OR51B5: variants seen among roughly 807,000 people sequenced by gnomAD.
OR51B5 encodes the protein olfactory receptor 51B5.
For synonymous variants in OR51B5, 186 were observed against 144.8 expected, an observed-to-expected ratio of 1.28 and a Z score of -2.04; for missense variants, 456 against 374.6, an observed-to-expected ratio of 1.22 and a Z score of -1.79.
chr11:5,436,099 T>C lies in OR51B5; in HGVS notation n.84+69470A>G, dbSNP rs569121348. ...TCTCTATTCTAAATAGGAGTTAAAC[T>C]GACTGCATCACACGCAAAAAGTAAA... On this transcript the variant is annotated intron_variant and non_coding_transcript_variant, in intron 1 of 4. Transcript: ENST00000415970. Among the ~76,000 whole-genome samples, 20 of 152,272 alleles carry C rather than the reference T, an allele frequency of 1.3e-4. No individual in the cohort carries two copies. In the East Asian group the frequency reaches 2.9e-3, roughly 22 times the overall value.
At chr11:5,476,765 T>C (rs1564826259) in intron 1 of OR51B5, among the ~76,000 whole-genome samples, 1 of 152,052 alleles carries the variant, frequency 6.6e-6, no homozygotes, top group Non-Finnish European at 1.5e-5. Context: ...TAATCTGTTC[T>C]TTACACTTCA....
At chr11:5,382,480 T>C (rs1272063245) in intron 1 of OR51B5, among the ~76,000 whole-genome samples, 3 of 152,210 alleles carry the variant, frequency 2.0e-5, no homozygotes, top group Admixed American at 2.0e-4. Flanking sequence ...TAGATGCCCC[T>C]GAATAATAGC....
chr11:5,389,769 C>T, intron 1 of OR51B5: 1 of 1,614,024 alleles, frequency 6.2e-7, no homozygotes, highest in Non-Finnish European at 8.5e-7. Flanking sequence ...TTCATGGAGT[C>T]CTCAGTGCTC....
At chr11:5,422,818 G>A (rs762287497) in intron 1 of OR51B5, 1 of 1,614,074 alleles carries the variant, frequency 6.2e-7, no homozygotes. Flanking sequence ...CTCTTGCCTT[G>A]CTCATTATTA....
chr11:5,375,942 A>T (rs2133712146), intron 1 of OR51B5, among the ~76,000 whole-genome samples: 1 of 152,218 alleles, frequency 6.6e-6, no homozygotes, highest in African/African-American at 2.4e-5. Context: ...AATTGAACAC[A>T]GCTCTGCACC....
intron 1 of OR51B5, among the ~76,000 whole-genome samples, chr11:5,500,483 C>T (rs1224939757): frequency 1.3e-5 from 2 of 148,778 alleles, no homozygotes; most frequent in Non-Finnish European, 3.0e-5. Context: ...CTAAATGGAG[C>T]CAGAAGATCC....
intron 1 of OR51B5, among the ~76,000 whole-genome samples, chr11:5,447,151 A>T (rs985281444): frequency 6.6e-6 from 1 of 152,174 alleles, no homozygotes; most frequent in Non-Finnish European, 1.5e-5. Flanking sequence ...AGGCTAACAA[A>T]ATGTGCTTCT....
intron 1 of OR51B5, among the ~76,000 whole-genome samples, chr11:5,461,263 T>C (rs987295885): frequency 6.6e-6 from 1 of 151,490 alleles, no homozygotes; most frequent in Non-Finnish European, 1.5e-5. Context: ...GGCCAGGGGG[T>C]GGAGGCGAGG....
intron 1 of OR51B5, among the ~76,000 whole-genome samples, chr11:5,404,146 G>A (rs2736524): frequency 0.16 from 21,297 of 133,790 alleles, 2,408 homozygotes; most frequent in African/African-American, 0.3. Flanking sequence ...CTTCTGGGTC[G>A]GGGGCGGGGG....
intron 1 of OR51B5, among the ~76,000 whole-genome samples, chr11:5,499,342 A>G (rs414154): frequency 0.99 from 150,290 of 152,172 alleles, 74,242 homozygotes; most frequent in East Asian, 1. Flanking sequence ...GGATTTATAA[A>G]TTTGGATCAG....
chr11:5,473,313 G>T (rs1190374592), intron 1 of OR51B5, among the ~76,000 whole-genome samples: 1 of 152,046 alleles, frequency 6.6e-6, no homozygotes, highest in Non-Finnish European at 1.5e-5. Context: ...CTAATGTAAG[G>T]GTCTTAAATT....
chr11:5,404,558 A>C (rs114776306), intron 1 of OR51B5, among the ~76,000 whole-genome samples: 24,523 of 152,090 alleles, frequency 0.16, 2,449 homozygotes, highest in African/African-American at 0.29. Context: ...ATGGACCAAG[A>C]AACAGGATGT....
rs1381212916 is a variant in OR51B5 at position 5,424,807 on chromosome 11, C to G, written n.85-77897G>C. Among the ~76,000 whole-genome samples the G allele has an allele frequency of 2.8e-5, 3 of 108,886 alleles. 1 individual carries two copies. The highest frequency in any genetic ancestry group is 9.6e-5 in the African/African-American group (3 of 31,404). 71.4% of individuals were successfully genotyped at this position (108,886 alleles called of 152,430 possible). A position where few individuals can be genotyped will look rare whatever the true frequency, so the allele number is the denominator to read the frequency against. On this transcript the variant is annotated intron_variant and non_coding_transcript_variant, in intron 1 of 4. Coordinates refer to the OR51B5 transcript ENST00000415970. ...CCATCCTGGCTAACACGGTGAAACCCCATCTCTACTAAAAAATAGAAAAAA... is the reference window on the plus strand; with the variant it reads ...CCATCCTGGCTAACACGGTGAAACCGCATCTCTACTAAAAAATAGAAAAAA...
At chr11:5,410,522 T>C (rs774448692) in intron 1 of OR51B5, among the ~76,000 whole-genome samples, 1 of 152,220 alleles carries the variant, frequency 6.6e-6, no homozygotes, top group Admixed American at 6.5e-5. Context: ...AGTGGTTCCA[T>C]AGATTATAAT....
chr11:5,485,051 A>T (rs1350915225), intron 1 of OR51B5, among the ~76,000 whole-genome samples: 1 of 152,200 alleles, frequency 6.6e-6, no homozygotes, highest in Non-Finnish European at 1.5e-5. Context: ...CATAACCTGC[A>T]AAGAATATGG....
intron 1 of OR51B5, among the ~76,000 whole-genome samples, chr11:5,448,518 G>A (rs915689528): frequency 6.6e-6 from 1 of 152,158 alleles, no homozygotes; most frequent in African/African-American, 2.4e-5. Flanking sequence ...GATTCCACAA[G>A]AGCAATCTAG....
At chr11:5,462,718 G>T (rs1442555391) in intron 1 of OR51B5, among the ~76,000 whole-genome samples, 1 of 152,186 alleles carries the variant, frequency 6.6e-6, no homozygotes, top group Non-Finnish European at 1.5e-5. Flanking sequence ...CTGGGCTGAT[G>T]CACTACTTTG....
chr11:5,380,146 C>T (rs541519989), intron 1 of OR51B5, among the ~76,000 whole-genome samples: 2 of 151,318 alleles, frequency 1.3e-5, no homozygotes, highest in Non-Finnish European at 3.0e-5. Context: ...AAATGAAAAT[C>T]GGTTCCCTTT....
At chr11:5,424,664 C>G (rs2133763363) in intron 1 of OR51B5, among the ~76,000 whole-genome samples, 1 of 152,070 alleles carries the variant, frequency 6.6e-6, no homozygotes, top group Non-Finnish European at 1.5e-5. Context: ...CTGGCTGCCT[C>G]CTGTCTCTGT....
Sources: allele counts gnomAD v4.1 joint callset (sites outside exome capture counted in the v4.1 genomes callset), GRCh38; gene constraint gnomAD v4.1.1; transcripts MANE v1.5; gene names NCBI Gene and HGNC (gene_info 2026-07-23, HGNC 2026-07-21).